NT5DC1: variants seen among roughly 807,000 people sequenced by gnomAD.
The protein encoded by NT5DC1 is 5'-nucleotidase domain containing 1.
A neutral mutation model predicts 59.4 loss-of-function variants in NT5DC1; 42 were observed. That is an observed-to-expected ratio of 0.71 (90% CI 0.55 to 0.92). The LOEUF (loss-of-function observed/expected upper bound fraction) is 0.92. NT5DC1 is among the 40% of genes least tolerant of loss of function. NT5DC1 has a pLI of 0.00. For missense variants in NT5DC1, 501 were observed against 537.1 expected (o/e 0.93, Z 0.66); for synonymous variants, 172 against 188.1 (o/e 0.91, Z 0.70).
Position 116,110,968 on chromosome 6 carries a change from A to G in NT5DC1, c.364+12A>G, listed in dbSNP as rs1406863509. On this transcript the variant is annotated intron_variant, in intron 4 of 11. Coordinates refer to ENST00000319550, the MANE Select transcript of NT5DC1 (RefSeq NM_152729.3). ...GGCTTGCCGCTCAGGTATGACTCAAATGAGGCAGCTCCACCATCCGCTCCC... is the reference window on the plus strand; with the variant it reads ...GGCTTGCCGCTCAGGTATGACTCAAGTGAGGCAGCTCCACCATCCGCTCCC... 3 of 1,547,142 alleles carry G rather than the reference A, an allele frequency of 1.9e-6. No individual in the cohort carries two copies. Among genetic ancestry groups the G allele is most frequent in the African/African-American group, 1.4e-5 (1 of 73,678 alleles).
chr6:116,140,004 A>T (rs1779724925), intron 6 of NT5DC1, among the ~76,000 whole-genome samples: 1 of 152,090 alleles, frequency 6.6e-6, no homozygotes, highest in South Asian at 2.1e-4. Context: ...TCCAGAAGAG[A>T]CTTACGTGAT....
intron 6 of NT5DC1, among the ~76,000 whole-genome samples, chr6:116,214,982 G>T (rs1279870527): frequency 6.6e-6 from 1 of 151,994 alleles, no homozygotes; most frequent in African/African-American, 2.4e-5. Context: ...CTAGGGTGGG[G>T]GGCATAGGAA....
At chr6:116,120,937 T>C (rs924766698) in intron 6 of NT5DC1, 2 of 1,613,522 alleles carry the variant, frequency 1.2e-6, no homozygotes, top group Non-Finnish European at 8.5e-7. Context: ...CGAGACCTGG[T>C]TTTCCTGGGT....
Position 116,115,844 on chromosome 6 carries a change from T to C in NT5DC1, c.444+74T>C. On this transcript the variant is annotated intron_variant, in intron 5 of 11. Coordinates refer to ENST00000319550, the MANE Select transcript of NT5DC1 (RefSeq NM_152729.3). ...ATTGGAGGACCTAATTATATATTGC[T>C]TCTGAGTTGTGATTTTGCTTAGTTT... 4.2e-6 allele frequency: 3 copies of C among 711,874 alleles called. No individual in the cohort carries two copies. The Admixed American group carries it at 6.4e-5, about 15-fold the overall frequency. 44.1% of individuals were successfully genotyped at this position (711,874 alleles called of 1,614,324 possible).
chr6:116,111,748 CTTGT>C (rs1452592847), intron 4 of NT5DC1, among the ~76,000 whole-genome samples: 1 of 152,044 alleles, frequency 6.6e-6, no homozygotes, highest in Non-Finnish European at 1.5e-5. Context: ...GTTTTGTTTG[CTTGT>C]TTGTTTTTAT....
intron 2 of NT5DC1, 95 bp from the exon 3 acceptor site, chr6:116,108,269 C>T: frequency 1.3e-6 from 1 of 788,896 alleles, no homozygotes; most frequent in Non-Finnish European, 2.2e-6. Flanking sequence ...GGCAGAATCC[C>T]TTTTTAGCAT....
chr6:116,115,199 A>G (rs923411190), intron 4 of NT5DC1, among the ~76,000 whole-genome samples: 3 of 150,842 alleles, frequency 2.0e-5, no homozygotes, highest in Admixed American at 2.0e-4. Flanking sequence ...ATTATATTCT[A>G]CTTATCACCC....
At chr6:116,151,802 C>G (rs1780047848) in intron 6 of NT5DC1, among the ~76,000 whole-genome samples, 2 of 152,108 alleles carry the variant, frequency 1.3e-5, no homozygotes, top group Non-Finnish European at 2.9e-5. Flanking sequence ...AAAGCAGCAA[C>G]AACAAAATAC....
intron 6 of NT5DC1, among the ~76,000 whole-genome samples, chr6:116,147,209 G>A (rs987077372): frequency 5.9e-5 from 9 of 151,808 alleles, no homozygotes; most frequent in Non-Finnish European, 1.0e-4. Flanking sequence ...GGGAGGCCAC[G>A]GTGGGCAGAT....
intron 6 of NT5DC1, among the ~76,000 whole-genome samples, chr6:116,208,722 G>T (rs1781510832): frequency 6.6e-6 from 1 of 151,958 alleles, no homozygotes; most frequent in Non-Finnish European, 1.5e-5. Context: ...CCCTGCGATT[G>T]CTCTTTTAAC....
intron 6 of NT5DC1, among the ~76,000 whole-genome samples, chr6:116,156,849 C>T (rs1358294576): frequency 5.3e-5 from 8 of 152,190 alleles, no homozygotes; most frequent in Non-Finnish European, 1.0e-4. Context: ...GGCCACCCCA[C>T]GGCCCCATTA....
At chr6:116,158,223 AGT>A (rs1780247319) in intron 6 of NT5DC1, among the ~76,000 whole-genome samples, 1 of 152,054 alleles carries the variant, frequency 6.6e-6, no homozygotes, top group African/African-American at 2.4e-5. Flanking sequence ...ATTACAAGTG[AGT>A]GTAGATCTGG....
Position 116,245,182 on chromosome 6 carries a change from G to GT in NT5DC1, c.*1159dup, listed in dbSNP as rs1209341449. The GT allele has an allele frequency of 6.6e-6, 1 of 152,122 alleles. No individual in the cohort carries two copies. The highest frequency in any genetic ancestry group is 1.5e-5 in the Non-Finnish European group (1 of 68,014). 9.4% of individuals were successfully genotyped at this position (152,122 alleles called of 1,614,324 possible). The stretch of plus-strand genomic sequence containing the variant: ...CTATGTGCCGTGTATGGTCATATTA[G>GT]TAGCTATTTGTTGCAAGATACTTGA... On this transcript the variant is annotated 3_prime_UTR_variant, in exon 12 of 12. Transcript: ENST00000319550.
intron 6 of NT5DC1, among the ~76,000 whole-genome samples, chr6:116,155,069 A>T (rs777530894): frequency 2.5e-4 from 38 of 152,194 alleles, no homozygotes; most frequent in Non-Finnish European, 4.7e-4. Flanking sequence ...AGACTTTAAT[A>T]TTAGGCTGGT....
chr6:116,182,396 A>G (rs1780903757), intron 6 of NT5DC1, among the ~76,000 whole-genome samples: 1 of 152,054 alleles, frequency 6.6e-6, no homozygotes, highest in Non-Finnish European at 1.5e-5. Context: ...CTCTGGGTAG[A>G]TACTCAGGAG....
intron 8 of NT5DC1, among the ~76,000 whole-genome samples, chr6:116,227,648 C>T: frequency 6.6e-6 from 1 of 152,084 alleles, no homozygotes; most frequent in Non-Finnish European, 1.5e-5. Flanking sequence ...TTTTTGATAA[C>T]AGCCATTCTA....
At chr6:116,159,402 T>G (rs1780278990) in intron 6 of NT5DC1, among the ~76,000 whole-genome samples, 1 of 152,236 alleles carries the variant, frequency 6.6e-6, no homozygotes, top group South Asian at 2.1e-4. Context: ...ACACATGTGA[T>G]TATTCATTTT....
intron 6 of NT5DC1, among the ~76,000 whole-genome samples, chr6:116,169,202 TA>T (rs1378804767): frequency 6.6e-6 from 1 of 152,224 alleles, no homozygotes; most frequent in Non-Finnish European, 1.5e-5. Context: ...CTTGACCTCT[TA>T]AATCTTCATT....
At chr6:116,181,366 C>T (rs1780869722) in intron 6 of NT5DC1, among the ~76,000 whole-genome samples, 1 of 151,910 alleles carries the variant, frequency 6.6e-6, no homozygotes, top group Non-Finnish European at 1.5e-5. Context: ...GCAAAACTAA[C>T]ATTGGAATTA....
Sources: allele counts gnomAD v4.1 joint callset (sites outside exome capture counted in the v4.1 genomes callset), GRCh38; gene constraint gnomAD v4.1.1; transcripts MANE v1.5; gene names NCBI Gene and HGNC (gene_info 2026-07-23, HGNC 2026-07-21).